Variants in ANKRD17 observed in about 807,000 individuals in gnomAD.
ANKRD17 encodes the protein ankyrin repeat domain 17.
A neutral mutation model predicts 229.7 loss-of-function variants in ANKRD17; 19 were observed. The ratio of observed to expected loss-of-function variants is 0.08; its 90% CI spans 0.06 to 0.12. ANKRD17 has a LOEUF of 0.12. ANKRD17 is among the 10% of genes least tolerant of loss of function. The pLI is 1.00. For missense variants in ANKRD17, 2,176 were observed against 3,176.8 expected (o/e 0.68, Z 7.57); for synonymous variants, 1,112 against 1,146.1 (o/e 0.97, Z 0.60).
chr4:73,199,903 G>A (rs1738421898), intron 1 of ANKRD17, among the ~76,000 whole-genome samples: 1 of 152,128 alleles, frequency 6.6e-6, no homozygotes, highest in South Asian at 2.1e-4. Flanking sequence ...AATGCTAAAA[G>A]TGCTCTTATT....
chr4:73,222,019 G>C (rs1341815202), intron 1 of ANKRD17, among the ~76,000 whole-genome samples: 1 of 151,964 alleles, frequency 6.6e-6, no homozygotes, highest in Non-Finnish European at 1.5e-5. Flanking sequence ...TCTCCCCACA[G>C]TAAAATAATC....
At chr4:73,201,416 A>G (rs1738658236) in intron 1 of ANKRD17, among the ~76,000 whole-genome samples, 1 of 152,136 alleles carries the variant, frequency 6.6e-6, no homozygotes. Context: ...TACAATCACC[A>G]AAATAATGAT....
At chr4:73,151,712 T>C (rs918209599) in intron 6 of ANKRD17, among the ~76,000 whole-genome samples, 188 bp from the exon 7 acceptor site, 3 of 152,186 alleles carry the variant, frequency 2.0e-5, no homozygotes, top group African/African-American at 2.4e-5. Context: ...TTCTACCCCT[T>C]ACCCTACTGC....
At chr4:73,082,125 G>A (rs1721628376) in intron 30 of ANKRD17, among the ~76,000 whole-genome samples, 1 of 146,174 alleles carries the variant, frequency 6.8e-6, no homozygotes, top group Non-Finnish European at 1.5e-5. Context: ...ATTCCAGCCT[G>A]GGCAACAGAG....
chr4:73,118,273 C>T (rs532655468), intron 22 of ANKRD17, among the ~76,000 whole-genome samples: 19 of 152,204 alleles, frequency 1.2e-4, no homozygotes, highest in Non-Finnish European at 2.4e-4. Context: ...AGCCACCATG[C>T]GTGGCACAAC....
intron 1 of ANKRD17, among the ~76,000 whole-genome samples, chr4:73,204,225 G>A (rs1173868783): frequency 6.6e-6 from 1 of 151,548 alleles, no homozygotes; most frequent in Non-Finnish European, 1.5e-5. Context: ...GCCAGGCGTG[G>A]TGGCGGGCTC....
chr4:73,168,260 C>T (rs970996829), intron 2 of ANKRD17, among the ~76,000 whole-genome samples: 2 of 152,078 alleles, frequency 1.3e-5, no homozygotes, highest in Non-Finnish European at 2.9e-5. Flanking sequence ...AGTTTACATG[C>T]ATTGCATGTA....
chr4:73,205,572 A>G lies in ANKRD17; in HGVS notation c.394-28039T>C, dbSNP rs184473231. ...AAATGCAATTACATCCTATCTCACA[A>G]CAAATACAAAACTCAACTCACAATG... On this transcript the variant is annotated intron_variant, in intron 1 of 33. Transcript: ENST00000358602. 5.2e-4 allele frequency among the ~76,000 whole-genome samples: 79 copies of G among 152,342 alleles called. 1 individual carries two copies. Among genetic ancestry groups the G allele is most frequent in the Non-Finnish European group, 8.7e-4 (59 of 68,026 alleles).
In ANKRD17 at chr4:73,118,792, T is replaced by G; in HGVS notation, c.4084A>C (p.Asn1362His). ...KGNTPLWLAA[N>H]GGHLDVVQLL... ...TGAACCACATCGAGGTGTCCACCAT[T>G]TGCTGCTAGCCACAATGGAGTGTTC... Residue 1362 changes from asparagine to histidine, a missense_variant, in exon 22 of 34, where the codon AAT becomes CAT. Physicochemically the swap from Asn to His is moderately conservative, Grantham distance 68. Transcript: ENST00000358602. 6.2e-7 allele frequency: 1 copy of G among 1,614,088 alleles called. No homozygotes were observed. Among genetic ancestry groups the G allele is most frequent in the Non-Finnish European group, 8.5e-7 (1 of 1,179,994 alleles).
intron 3 of ANKRD17, among the ~76,000 whole-genome samples, chr4:73,158,673 G>A (rs1732099921): frequency 6.6e-6 from 1 of 152,210 alleles, no homozygotes; most frequent in Admixed American, 6.5e-5. Flanking sequence ...TTTAAGAGGT[G>A]ACTGAGTCAT....
Position 73,125,194 on chromosome 4 carries a change from G to C in ANKRD17, c.3346+7C>G, listed in dbSNP as rs1382979985. ...ATTCCAAAAAATAAAACAAAAGTAGGCCCTACCTTTCTTGTCTCGGTGCTC... is the reference window on the plus strand; with the variant it reads ...ATTCCAAAAAATAAAACAAAAGTAGCCCCTACCTTTCTTGTCTCGGTGCTC... On this transcript the variant is annotated splice_region_variant and intron_variant, in intron 17 of 33. Transcript: ENST00000358602. 7.0e-5 allele frequency: 112 copies of C among 1,596,040 alleles called. No homozygotes were observed. Among genetic ancestry groups the C allele is most frequent in the Non-Finnish European group, 8.2e-5 (96 of 1,174,712 alleles).
Position 73,092,062 on chromosome 4 carries a change from C to T in ANKRD17, c.5566G>A (p.Ala1856Thr). 2 of 1,614,180 alleles carry T rather than the reference C, an allele frequency of 1.2e-6. No individual in the cohort carries two copies. Among genetic ancestry groups the T allele is most frequent in the Non-Finnish European group, 1.7e-6 (2 of 1,180,038 alleles). Residue 1856 changes from alanine to threonine, a missense_variant, in exon 29 of 34, where the codon GCA (alanine) becomes ACA (threonine). This residue lies in a region of ANKRD17 where 142 missense variants were observed against 200.4 expected (regional missense o/e 0.71). Coordinates refer to ENST00000358602, the MANE Select transcript of ANKRD17 (RefSeq NM_032217.5). Reference sequence around the variant, plus strand: ...TTGTGAGTGGATGCAGAAGAAATTGCAGGCACAGTGAGTGCTGTGGCAGTT... The same window carrying T: ...TTGTGAGTGGATGCAGAAGAAATTGTAGGCACAGTGAGTGCTGTGGCAGTT... ...SQTATALTVP[A>T]ISSASTHKTI...
chr4:73,234,918 T>G (rs2149248502), intron 1 of ANKRD17, among the ~76,000 whole-genome samples: 1 of 152,234 alleles, frequency 6.6e-6, no homozygotes, highest in Non-Finnish European at 1.5e-5. Flanking sequence ...TACTACTGAT[T>G]GGTGTTTGTT....
intron 2 of ANKRD17, 114 bp downstream of exon 2, chr4:73,177,266 A>C (rs1027669471): frequency 8.8e-6 from 9 of 1,022,966 alleles, no homozygotes; most frequent in Non-Finnish European, 1.1e-5. Context: ...ATTAACCTTT[A>C]TTAATAGTAT....
intron 1 of ANKRD17, among the ~76,000 whole-genome samples, chr4:73,248,926 T>C (rs1420363305): frequency 6.6e-6 from 1 of 152,002 alleles, no homozygotes; most frequent in East Asian, 1.9e-4. Flanking sequence ...TTTTCATTAT[T>C]AATGCCATTA....
chr4:73,151,366 G>A, intron 7 of ANKRD17, 64 bp downstream of exon 7: 7 of 1,453,888 alleles, frequency 4.8e-6, no homozygotes, highest in Admixed American at 1.8e-5. Flanking sequence ...GGCATTCATT[G>A]TATACTACTC....
At chr4:73,214,021 T>C (rs1199966448) in intron 1 of ANKRD17, among the ~76,000 whole-genome samples, 1 of 152,220 alleles carries the variant, frequency 6.6e-6, no homozygotes, top group Non-Finnish European at 1.5e-5. Context: ...AATATTTTTC[T>C]ACTTATTTCT....
intron 1 of ANKRD17, among the ~76,000 whole-genome samples, chr4:73,178,445 C>T (rs914306643): frequency 2.6e-5 from 4 of 151,896 alleles, no homozygotes; most frequent in East Asian, 1.9e-4. Context: ...ATAATTTTAT[C>T]GCTTCATCAA....
At chr4:73,237,949 C>T (rs1014129638) in intron 1 of ANKRD17, among the ~76,000 whole-genome samples, 1 of 152,012 alleles carries the variant, frequency 6.6e-6, no homozygotes, top group African/African-American at 2.4e-5. Flanking sequence ...AACCCCTTAA[C>T]CTATCTACTA....
Sources: gnomAD v4.1 joint callset for allele counts (sites outside exome capture counted in the v4.1 genomes callset) on GRCh38, gnomAD v4.1.1 for gene constraint, gnomAD v4.1.1 regional missense constraint, MANE v1.5 for transcripts, NCBI Gene and HGNC (gene_info 2026-07-23, HGNC 2026-07-21) for gene names.